The following CD274 variants were observed in gnomAD, a reference collection of about 807,000 sequenced individuals.
CD274 encodes CD274 molecule, also known as programmed cell death 1 ligand 1.
In CD274, 8 loss-of-function variants were observed where a neutral mutation model predicts 30.1. That is an observed-to-expected ratio of 0.27 (90% CI 0.16 to 0.48). CD274 has a LOEUF of 0.48. CD274 is among the 20% of genes least tolerant of loss of function. The pLI, the probability that CD274 is intolerant of heterozygous loss-of-function variation, is 0.99. For missense variants in CD274, 353 were observed against 346.6 expected, an observed-to-expected ratio of 1.02 and a Z score of -0.15; for synonymous variants, 152 against 124.6, an observed-to-expected ratio of 1.22 and a Z score of -1.46.
chr9:5,465,387 A>G, intron 4 of CD274, 112 bp from the exon 5 acceptor site: 1 of 627,762 alleles, frequency 1.6e-6, no homozygotes, highest in East Asian at 2.8e-5. Flanking sequence ...TTTGGCATTT[A>G]AGAAAATTAT....
At chr9:5,457,610 G>C (rs1819329658) in intron 3 of CD274, among the ~76,000 whole-genome samples, 190 bp downstream of exon 3, 1 of 152,102 alleles carries the variant, frequency 6.6e-6, no homozygotes, top group African/African-American at 2.4e-5. Context: ...ATAGTCACTG[G>C]AAATCCAGAG....
In CD274 at chr9:5,457,520, G is replaced by A. The variant is rs955384895; in HGVS notation, c.394+100G>A. On this transcript the variant is annotated intron_variant, in intron 3 of 6. Transcript: ENST00000381577. ...GTAAGTCCATACTTATTTTCAAACA[G>A]AACAGCATAGTCTGTTCATTCATTC... The A allele has an allele frequency of 9.1e-6, 8 of 880,532 alleles. No individual in the cohort carries two copies. In the African/African-American group the frequency reaches 1.2e-4, roughly 13 times the overall value. 54.5% of individuals were successfully genotyped at this position (880,532 alleles called of 1,614,324 possible).
chr9:5,451,146 T>C (rs866572083), intron 1 of CD274, among the ~76,000 whole-genome samples: 5 of 152,236 alleles, frequency 3.3e-5, no homozygotes, highest in African/African-American at 4.8e-5. Context: ...AAACATTTCT[T>C]AGACACATTG....
chr9:5,464,260 G>A (rs1819459144), intron 4 of CD274, among the ~76,000 whole-genome samples: 1 of 152,118 alleles, frequency 6.6e-6, no homozygotes, highest in Non-Finnish European at 1.5e-5. Flanking sequence ...CTTGTTGGGT[G>A]GCCTACAGTA....
intron 4 of CD274, 67 bp from the exon 5 acceptor site, chr9:5,465,432 C>T: frequency 1.1e-6 from 1 of 902,392 alleles, no homozygotes. Flanking sequence ...GATGACCATT[C>T]TCCTGACCCC....
chr9:5,462,934 C>T lies in CD274; in HGVS notation c.495C>T (p.Val165=), dbSNP rs2131223470. The change falls in exon 4 of 7, where the codon GTC becomes GTT. Residue 165 remains valine, a synonymous_variant. Coordinates refer to ENST00000381577, the MANE Select transcript of CD274 (RefSeq NM_014143.4). ...CTGAGGGCTACCCCAAGGCCGAAGT[C>T]ATCTGGACAAGCAGTGACCATCAAG... ...CQAEGYPKAE[V]IWTSSDHQVL... is the part of the protein sequence containing the mutation. The T allele has an allele frequency of 6.2e-7, 1 of 1,614,044 alleles. No individual in the cohort carries two copies. Among genetic ancestry groups the T allele is most frequent in the Middle Eastern group, 1.6e-4 (1 of 6,062 alleles).
intron 4 of CD274, 147 bp from the exon 5 acceptor site, chr9:5,465,352 A>G (rs905742770): frequency 2.6e-5 from 15 of 577,106 alleles, no homozygotes; most frequent in Admixed American, 2.5e-4. Flanking sequence ...TAACACAGGT[A>G]TCTCGCCATT....
At chr9:5,461,325 A>G (rs1022498563) in intron 3 of CD274, among the ~76,000 whole-genome samples, 2 of 152,136 alleles carry the variant, frequency 1.3e-5, no homozygotes, top group Admixed American at 1.3e-4. Flanking sequence ...TTAATTTTGT[A>G]AGATGGTTAG....
At position 5,463,014 on chromosome 9, in the gene CD274, A is replaced by G. The variant is rs1206020644; in HGVS notation, c.575A>G (p.Asn192Ser). ...TCCAAGAGAGAGGAGAAGCTTTTCA[A>G]TGTGACCAGCACACTGAGAATCAAC... ...TNSKREEKLF[N>S]VTSTLRINTT... Residue 192 changes from asparagine (N) to serine (S), a missense_variant, in exon 4 of 7, where the codon AAT (asparagine) becomes AGT (serine). Physicochemically the swap from Asn to Ser is conservative, Grantham distance 46. Transcript: ENST00000381577. 3 of 1,613,818 alleles carry G rather than the reference A, an allele frequency of 1.9e-6. No homozygotes were observed. The highest frequency in any genetic ancestry group is 1.3e-5 in the African/African-American group (1 of 75,034).
chr9:5,455,964 G>C (rs888112571), intron 1 of CD274, 136 bp from the exon 2 acceptor site: 2 of 608,700 alleles, frequency 3.3e-6, no homozygotes, highest in Non-Finnish European at 5.9e-6. Flanking sequence ...TTCCCTGTTG[G>C]GTTTCCACAA....
rs1017740835 is a variant in CD274 at position 5,450,547 on chromosome 9, T to G, written c.-64T>G. 6.6e-6 allele frequency: 1 copy of G among 152,314 alleles called. No individual in the cohort carries two copies. The highest frequency in any genetic ancestry group is 2.4e-5 in the African/African-American group (1 of 41,472). The allele number at this position is 152,314 out of a possible 1,614,324, so 9.4% of individuals were successfully genotyped here. A position where few individuals can be genotyped will look rare whatever the true frequency, so the allele number is the denominator to read the frequency against. On this transcript the variant is annotated 5_prime_UTR_variant, in exon 1 of 7. Coordinates refer to ENST00000381577, the MANE Select transcript of CD274 (RefSeq NM_014143.4). ...GGCGCGTCCCGCGCGGCCCCAGTTCTGCGCAGCTTCCCGAGGCTCCGCACC... is the reference window on the plus strand; with the variant it reads ...GGCGCGTCCCGCGCGGCCCCAGTTCGGCGCAGCTTCCCGAGGCTCCGCACC...
Position 5,470,319 on chromosome 9 carries a change from C to T in CD274, c.*2457C>T, listed in dbSNP as rs1819568876. 1 of 232,378 alleles carries T rather than the reference C, an allele frequency of 4.3e-6. No homozygotes were observed. Among genetic ancestry groups the T allele is most frequent in the South Asian group, 1.8e-4 (1 of 5,520 alleles). 14.4% of individuals were successfully genotyped at this position (232,378 alleles called of 1,614,324 possible). A position where few individuals can be genotyped will look rare whatever the true frequency, so the allele number is the denominator to read the frequency against. ...GGCACATAGTCTACTCAGTCTATTC[C>T]TAAGTCCTAACTCCTCCTTGTGGTG... On this transcript the variant is annotated 3_prime_UTR_variant, in exon 7 of 7. Transcript: ENST00000381577.
chr9:5,465,661 T>G, intron 5 of CD274, 55 bp downstream of exon 5: 4 of 1,091,074 alleles, frequency 3.7e-6, no homozygotes, highest in Non-Finnish European at 5.7e-6. Flanking sequence ...GGGGTGAGAA[T>G]TGGATCATGG....
chr9:5,468,535 T>C lies in CD274; in HGVS notation c.*673T>C, dbSNP rs138135676. ...CATTGGAAGCATAAAGATCAAACCGTTGGTTGCATAGGATGTCACCTTTAT... is the reference window on the plus strand; with the variant it reads ...CATTGGAAGCATAAAGATCAAACCGCTGGTTGCATAGGATGTCACCTTTAT... On this transcript the variant is annotated 3_prime_UTR_variant, in exon 7 of 7. Coordinates refer to ENST00000381577, the MANE Select transcript of CD274 (RefSeq NM_014143.4). 493 of 233,086 alleles carry C rather than the reference T, an allele frequency of 2.1e-3. 3 individuals carry two copies. Among genetic ancestry groups the C allele is most frequent in the African/African-American group, 0.01 (466 of 45,456 alleles). The allele number at this position is 233,086 out of a possible 1,614,324, so 14.4% of individuals were successfully genotyped here.
chr9:5,463,875 C>T (rs146914647), intron 4 of CD274, among the ~76,000 whole-genome samples: 1 of 151,656 alleles, frequency 6.6e-6, no homozygotes, highest in African/African-American at 2.4e-5. Flanking sequence ...CACTACTCTA[C>T]AGAAGTAGGT....
At position 5,457,379 on chromosome 9, in the gene CD274, A is replaced by G. The variant is rs1245834802; in HGVS notation, c.353A>G (p.Tyr118Cys). 4.3e-6 allele frequency: 7 copies of G among 1,613,874 alleles called. No homozygotes were observed. Among genetic ancestry groups the G allele is most frequent in the Non-Finnish European group, 4.2e-6 (5 of 1,179,902 alleles). The change falls in exon 3 of 7, where the codon TAT becomes TGT. Residue 118 changes from tyrosine to cysteine, a missense_variant. Physicochemically the swap from Tyr to Cys is radical, Grantham distance 194. Transcript: ENST00000381577. ...DAGVYRCMIS[Y>C]GGADYKRITV... ...GGGGTGTACCGCTGCATGATCAGCT[A>G]TGGTGGTGCCGACTACAAGCGAATT...
chr9:5,455,324 C>G (rs1819280976), intron 1 of CD274, among the ~76,000 whole-genome samples: 1 of 152,110 alleles, frequency 6.6e-6, no homozygotes, highest in Non-Finnish European at 1.5e-5. Flanking sequence ...AAAATAGTGC[C>G]TAGCACAGAA....
chr9:5,466,784 G>A lies in CD274; in HGVS notation c.805G>A (p.Val269Met). The change falls in exon 6 of 7, where the codon GTG (valine) becomes ATG (methionine). Residue 269 changes from valine to methionine, a missense_variant. Coordinates refer to ENST00000381577, the MANE Select transcript of CD274 (RefSeq NM_014143.4). ...TTTTTCTCAAGGGAGAATGATGGATGTGAAAAAATGTGGCATCCAAGATAC... is the reference window on the plus strand; with the variant it reads ...TTTTTCTCAAGGGAGAATGATGGATATGAAAAAATGTGGCATCCAAGATAC... ...FRLRKGRMMD[V>M]KKCGIQDTNS... 1 of 1,611,096 alleles carries A rather than the reference G, an allele frequency of 6.2e-7. No homozygotes were observed. Among genetic ancestry groups the A allele is most frequent in the Non-Finnish European group, 8.5e-7 (1 of 1,178,506 alleles).
In CD274 at chr9:5,467,968, A is replaced by C; in HGVS notation, c.*106A>C. ...AGGAAGGAATGGGCCCGTGGGATGC[A>C]GGCAATGTGGGACTTAAAAGGCCCA... is the stretch of plus-strand genomic sequence containing the variant. On this transcript the variant is annotated 3_prime_UTR_variant, in exon 7 of 7. Transcript: ENST00000381577. 1 of 958,006 alleles carries C rather than the reference A, an allele frequency of 1.0e-6. No homozygotes were observed. The highest frequency in any genetic ancestry group is 2.1e-4 in the Middle Eastern group (1 of 4,788). The allele number at this position is 958,006 out of a possible 1,614,324, so 59.3% of individuals were successfully genotyped here. A position where few individuals can be genotyped will look rare whatever the true frequency, so the allele number is the denominator to read the frequency against.
Sources: allele counts gnomAD v4.1 joint callset (sites outside exome capture counted in the v4.1 genomes callset), GRCh38; gene constraint gnomAD v4.1.1; transcripts MANE v1.5; gene names NCBI Gene and HGNC (gene_info 2026-07-23, HGNC 2026-07-21).